MED12L: variants seen among roughly 807,000 people sequenced by gnomAD.
MED12L encodes the protein mediator of RNA polymerase II transcription subunit 12-like protein.
MED12L carries 60 observed loss-of-function variants against 281.3 expected under a neutral mutation model. The ratio of observed to expected loss-of-function variants is 0.21; its 90% CI spans 0.17 to 0.26. The LOEUF is 0.26. MED12L is among the 10% of genes least tolerant of loss of function. MED12L has a pLI of 1.00. For missense variants in MED12L, 2,146 were observed against 2,680.9 expected, an observed-to-expected ratio of 0.80 and a Z score of 4.41; for synonymous variants, 974 against 987.2, an observed-to-expected ratio of 0.99 and a Z score of 0.25.
chr3:151,163,113 A>C (rs1042872893), intron 8 of MED12L, among the ~76,000 whole-genome samples: 1 of 152,178 alleles, frequency 6.6e-6, no homozygotes, highest in African/African-American at 2.4e-5. Context: ...GTTGGTTACT[A>C]ATCTACGCGG....
intron 2 of MED12L, among the ~76,000 whole-genome samples, chr3:151,097,790 A>C (rs1345514256): frequency 6.6e-6 from 1 of 152,178 alleles, no homozygotes; most frequent in East Asian, 1.9e-4. Flanking sequence ...CCCTACACCA[A>C]AGACTTAACT....
At chr3:151,121,522 T>C (rs1408658784) in intron 3 of MED12L, among the ~76,000 whole-genome samples, 1 of 152,168 alleles carries the variant, frequency 6.6e-6, no homozygotes, top group Non-Finnish European at 1.5e-5. Flanking sequence ...TGGTGATTCT[T>C]ATTTTGCTTC....
At chr3:151,176,045 G>A (rs549091941) in intron 11 of MED12L, among the ~76,000 whole-genome samples, 1 of 152,116 alleles carries the variant, frequency 6.6e-6, no homozygotes, top group Non-Finnish European at 1.5e-5. Flanking sequence ...TAATACAGGA[G>A]TACATTCTTG....
chr3:151,368,499 C>T (rs1453300305), intron 25 of MED12L, among the ~76,000 whole-genome samples: 2 of 152,022 alleles, frequency 1.3e-5, no homozygotes, highest in African/African-American at 4.8e-5. Context: ...TGCTCTTAGG[C>T]CAAGCCATGC....
chr3:151,352,434 G>A (rs1298108456), intron 17 of MED12L, among the ~76,000 whole-genome samples: 2 of 152,184 alleles, frequency 1.3e-5, no homozygotes, highest in African/African-American at 2.4e-5. Context: ...AATTTGGGAT[G>A]TAGTGAGCTG....
At chr3:151,118,436 C>A (rs1054697743) in intron 3 of MED12L, among the ~76,000 whole-genome samples, 2 of 152,044 alleles carry the variant, frequency 1.3e-5, no homozygotes, top group Non-Finnish European at 2.9e-5. Flanking sequence ...TGACTAAACA[C>A]GTTTTTAGTT....
chr3:151,196,115 A>G (rs149096269), intron 16 of MED12L, among the ~76,000 whole-genome samples: 2 of 152,324 alleles, frequency 1.3e-5, no homozygotes, highest in South Asian at 2.1e-4. Flanking sequence ...CTTTCCCTGC[A>G]TTTAACATTC....
At chr3:151,266,522 A>C (rs1739861847) in intron 16 of MED12L, among the ~76,000 whole-genome samples, 1 of 152,196 alleles carries the variant, frequency 6.6e-6, no homozygotes, top group Non-Finnish European at 1.5e-5. Flanking sequence ...GTCCTTTTTA[A>C]AAATCGCGTT....
chr3:151,394,132 A>G (rs1714657023), intron 38 of MED12L, among the ~76,000 whole-genome samples: 1 of 152,222 alleles, frequency 6.6e-6, no homozygotes. Flanking sequence ...CAATCATAGT[A>G]CTTGAAGTTT....
intron 16 of MED12L, among the ~76,000 whole-genome samples, chr3:151,285,357 T>C (rs1021797929): frequency 4.6e-5 from 7 of 151,814 alleles, no homozygotes; most frequent in Admixed American, 2.0e-4. Flanking sequence ...TGGTGGCGGG[T>C]GCCTGTAGTC....
chr3:151,368,866 A>T (rs540750704), intron 25 of MED12L, among the ~76,000 whole-genome samples: 50 of 150,582 alleles, frequency 3.3e-4, no homozygotes, highest in African/African-American at 1.2e-3. Flanking sequence ...GGCTTAGGCA[A>T]TTCTCTTGCC....
chr3:151,350,310 C>T (rs1194947988), intron 17 of MED12L, 104 bp downstream of exon 17: 21 of 1,104,372 alleles, frequency 1.9e-5, no homozygotes, highest in African/African-American at 3.2e-5. Flanking sequence ...AGAGCGTTTC[C>T]CCTCCTGAAT....
In MED12L at chr3:151,294,117, G is replaced by GAAACATTTA. The variant is rs535656521; in HGVS notation, c.2251-55941_2251-55933dup. On this transcript the variant is annotated intron_variant, in intron 16 of 44. Coordinates refer to ENST00000687756, the MANE Select transcript of MED12L (RefSeq NM_001393769.1). Reference sequence around the variant, plus strand: ...TGGGCTCAAGCAAGGATAATGAAAAGAAACATTTATTTACACTTTGTACAT... The same window carrying GAAACATTTA: ...TGGGCTCAAGCAAGGATAATGAAAAGAAACATTTAAAACATTTATTTACACTTTGTACAT... 2.8e-3 allele frequency: 3,083 copies of GAAACATTTA among 1,105,692 alleles called. 7 individuals carry two copies. The highest frequency in any genetic ancestry group is 3.1e-3 in the Non-Finnish European group (2,348 of 757,276). The allele number at this position is 1,105,692 out of a possible 1,614,324, so 68.5% of individuals were successfully genotyped here. A position where few individuals can be genotyped will look rare whatever the true frequency, so the allele number is the denominator to read the frequency against.
intron 16 of MED12L, among the ~76,000 whole-genome samples, chr3:151,220,016 T>C (rs1729029882): frequency 6.6e-6 from 1 of 151,112 alleles, no homozygotes; most frequent in Non-Finnish European, 1.5e-5. Context: ...GTTTTGTTTT[T>C]TAAAAACCTT....
Position 151,213,803 on chromosome 3 carries a change from A to G in MED12L, c.2250+20137A>G, listed in dbSNP as rs769583955. The G allele has an allele frequency of 6.8e-6, 11 of 1,614,188 alleles. No individual in the cohort carries two copies. The South Asian group carries it at 1.1e-4, about 16-fold the overall frequency. Reference sequence around the variant, plus strand: ...CCCAGTTCACTTTTCAGTTCTATACATTTTATTTGTGTAACCTCCCTAACA... The same window carrying G: ...CCCAGTTCACTTTTCAGTTCTATACGTTTTATTTGTGTAACCTCCCTAACA... On this transcript the variant is annotated intron_variant, in intron 16 of 44. Transcript: ENST00000687756.
chr3:151,164,768 C>A (rs189925544), intron 9 of MED12L, among the ~76,000 whole-genome samples: 32 of 151,970 alleles, frequency 2.1e-4, no homozygotes, highest in Admixed American at 7.9e-4. Flanking sequence ...AACCAAACAC[C>A]GCATGTTCTC....
At chr3:151,305,786 CA>C (rs1404698111) in intron 16 of MED12L, among the ~76,000 whole-genome samples, 1 of 152,130 alleles carries the variant, frequency 6.6e-6, no homozygotes, top group Admixed American at 6.6e-5. Flanking sequence ...CTGTTTTCTC[CA>C]TCAAGCTTGT....
At chr3:151,410,783 T>A (rs1429942079) in intron 40 of MED12L, among the ~76,000 whole-genome samples, 1 of 152,250 alleles carries the variant, frequency 6.6e-6, no homozygotes, top group African/African-American at 2.4e-5. Flanking sequence ...GGTTAGTTAC[T>A]ACACACACAT....
intron 16 of MED12L, among the ~76,000 whole-genome samples, chr3:151,284,393 T>C (rs1230185267): frequency 6.6e-6 from 1 of 152,054 alleles, no homozygotes; most frequent in East Asian, 1.9e-4. Context: ...TAGTTCTGGG[T>C]TGTGGGAGGG....
Sources: gnomAD v4.1 joint callset for allele counts (sites outside exome capture counted in the v4.1 genomes callset) on GRCh38, gnomAD v4.1.1 for gene constraint, MANE v1.5 for transcripts, NCBI Gene and HGNC (gene_info 2026-07-23, HGNC 2026-07-21) for gene names.